TRAPPC12: variants seen among roughly 807,000 people sequenced by gnomAD.
The protein encoded by TRAPPC12 is trafficking protein particle complex subunit 12, also known as TPR repeat protein 15.
In TRAPPC12, 61 loss-of-function variants were observed where a neutral mutation model predicts 69.2. That is an observed-to-expected ratio of 0.88 (90% CI 0.72 to 1.09). The LOEUF is 1.09. Among genes scored for constraint, TRAPPC12 ranks in the 50% least tolerant of loss-of-function variants. The probability of loss-of-function intolerance (pLI) is 0.00; values close to 1 mark genes in which losing one functional copy is unlikely to be tolerated. For missense variants in TRAPPC12, 1,101 were observed against 1,016.4 expected, an observed-to-expected ratio of 1.08 and a Z score of -1.13; for synonymous variants, 469 against 438.9, an observed-to-expected ratio of 1.07 and a Z score of -0.86.
chr2:3,404,667 A>AGC (rs1437591187), intron 3 of TRAPPC12, among the ~76,000 whole-genome samples: 1 of 152,136 alleles, frequency 6.6e-6, no homozygotes, highest in Non-Finnish European at 1.5e-5. Flanking sequence ...ACAGTCAGGA[A>AGC]GCGTGTCTTG....
At chr2:3,474,084 T>C (rs1666185358) in intron 9 of TRAPPC12, among the ~76,000 whole-genome samples, 2 of 152,160 alleles carry the variant, frequency 1.3e-5, no homozygotes, top group African/African-American at 4.8e-5. Context: ...ACCAAGGTGA[T>C]GAGGAATCCC....
At chr2:3,432,851 C>T (rs1572151427) in intron 5 of TRAPPC12, among the ~76,000 whole-genome samples, 1 of 152,344 alleles carries the variant, frequency 6.6e-6, no homozygotes, top group East Asian at 1.9e-4. Flanking sequence ...AGATACAGGC[C>T]TTGGCCAGTC....
At chr2:3,428,926 C>T (rs1486116694) in intron 5 of TRAPPC12, among the ~76,000 whole-genome samples, 2 of 152,206 alleles carry the variant, frequency 1.3e-5, no homozygotes, top group East Asian at 3.8e-4. Context: ...TCAATCTCCA[C>T]CCCCTTTTCC....
intron 5 of TRAPPC12, among the ~76,000 whole-genome samples, chr2:3,438,786 A>G (rs903542865): frequency 6.6e-6 from 1 of 152,178 alleles, no homozygotes; most frequent in Non-Finnish European, 1.5e-5. Flanking sequence ...TCTCTGAATA[A>G]TATTCCATTT....
chr2:3,457,367 A>G (rs931425468), intron 6 of TRAPPC12: 7 of 497,752 alleles, frequency 1.4e-5, no homozygotes, highest in African/African-American at 7.8e-5. Context: ...GATGGCTTCA[A>G]TCGTACCCCA....
chr2:3,457,137 ATGT>A, intron 6 of TRAPPC12: 1 of 464,434 alleles, frequency 2.2e-6, no homozygotes, highest in Non-Finnish European at 4.4e-6. Flanking sequence ...GAACCAAATC[ATGT>A]TGTTTGCAGC....
At chr2:3,465,955 C>CTA in intron 9 of TRAPPC12, 1 of 547,634 alleles carries the variant, frequency 1.8e-6, no homozygotes, top group Non-Finnish European at 3.3e-6. Context: ...ATGAGTTACT[C>CTA]TAGACATTGT....
At position 3,478,204 on chromosome 2, in the gene TRAPPC12, C is replaced by T. The variant is rs147285574; in HGVS notation, c.1877+409C>T. 84 of 162,626 alleles carry T rather than the reference C, an allele frequency of 5.2e-4. No individual in the cohort carries two copies. The East Asian group carries it at 0.013, about 25-fold the overall frequency. 10.1% of individuals were successfully genotyped at this position (162,626 alleles called of 1,614,324 possible). A position where few individuals can be genotyped will look rare whatever the true frequency, so the allele number is the denominator to read the frequency against. ...CTGTGGTAGAACGCACAGCGTCGTG[C>T]GAGTGCACGTTCGTGAGGAGGAAAC... On this transcript the variant is annotated intron_variant, in intron 10 of 11. Coordinates refer to ENST00000324266, the MANE Select transcript of TRAPPC12 (RefSeq NM_016030.6).
At chr2:3,380,447 A>G (rs1660153761) in intron 1 of TRAPPC12, among the ~76,000 whole-genome samples, 1 of 152,242 alleles carries the variant, frequency 6.6e-6, no homozygotes, top group Non-Finnish European at 1.5e-5. Context: ...TATTCAACAG[A>G]AAGCGTTAGG....
intron 7 of TRAPPC12, among the ~76,000 whole-genome samples, chr2:3,459,507 A>G (rs536776864): frequency 2.6e-5 from 4 of 152,334 alleles, no homozygotes; most frequent in Non-Finnish European, 5.9e-5. Flanking sequence ...GCAGACCCCA[A>G]GAAGGCCACA....
chr2:3,409,737 A>C lies in TRAPPC12; in HGVS notation c.1164+7844A>C, dbSNP rs549723220. Among the ~76,000 whole-genome samples, 29 of 145,338 alleles carry C rather than the reference A, an allele frequency of 2.0e-4. No homozygotes were observed. The East Asian group carries it at 5.0e-3, about 25-fold the overall frequency. Reference sequence around the variant, plus strand: ...TGCACTCCAGACTGGGCAACAAAGCAAGACTTTGTCTTTAAAAAAAAAAAA... The same window carrying C: ...TGCACTCCAGACTGGGCAACAAAGCCAGACTTTGTCTTTAAAAAAAAAAAA... On this transcript the variant is annotated intron_variant, in intron 3 of 11. Transcript: ENST00000324266.
At chr2:3,453,505 C>T (rs538694239) in intron 6 of TRAPPC12, among the ~76,000 whole-genome samples, 4 of 152,350 alleles carry the variant, frequency 2.6e-5, no homozygotes, top group African/African-American at 9.6e-5. Flanking sequence ...TGTCCTCTTC[C>T]TCCTATGCCC....
chr2:3,469,331 G>A (rs956920076), intron 9 of TRAPPC12, among the ~76,000 whole-genome samples: 1 of 152,214 alleles, frequency 6.6e-6, no homozygotes, highest in African/African-American at 2.4e-5. Flanking sequence ...GTGCTGTGCT[G>A]TCAGAGGGGT....
At position 3,477,830 on chromosome 2, in the gene TRAPPC12, A is replaced by C. The variant is rs1011185279; in HGVS notation, c.1877+35A>C. 4.7e-6 allele frequency: 7 copies of C among 1,486,028 alleles called. No homozygotes were observed. The African/African-American group carries it at 8.5e-5, about 18-fold the overall frequency. The allele number at this position is 1,486,028 out of a possible 1,614,324, so 92.1% of individuals were successfully genotyped here. On this transcript the variant is annotated intron_variant, in intron 10 of 11. Transcript: ENST00000324266. ...TTAAAACTAAATATATGTTTTCTCA[A>C]ATTTCCCAGAGGCGTTCAAGCCCCA...
chr2:3,394,047 C>T (rs1660979401), intron 2 of TRAPPC12, among the ~76,000 whole-genome samples: 1 of 152,168 alleles, frequency 6.6e-6, no homozygotes, highest in Admixed American at 6.5e-5. Flanking sequence ...GGTGGTAGAA[C>T]ACTTTGGAGA....
chr2:3,469,872 C>G (rs1009557699), intron 9 of TRAPPC12, among the ~76,000 whole-genome samples: 1 of 152,222 alleles, frequency 6.6e-6, no homozygotes, highest in Non-Finnish European at 1.5e-5. Flanking sequence ...ATTGTAACAT[C>G]TGAAGTCATG....
chr2:3,421,835 A>G, intron 3 of TRAPPC12, 46 bp from the exon 4 acceptor site: 3 of 1,552,802 alleles, frequency 1.9e-6, no homozygotes, highest in African/African-American at 1.4e-5. Context: ...GGATTCCACC[A>G]TGCCTTGCAT....
Position 3,465,899 on chromosome 2 carries a change from T to C in TRAPPC12, c.1776+204T>C, listed in dbSNP as rs1045934987. ...GAGGCCCTGCTGGCTTTTGTGCCTG[T>C]TGCTAAATGTGAACCCACAGAAAGT... On this transcript the variant is annotated intron_variant, in intron 9 of 11. Transcript: ENST00000324266. The C allele has an allele frequency of 8.5e-6, 5 of 585,074 alleles. No homozygotes were observed. The Admixed American group carries it at 1.5e-4, about 17-fold the overall frequency. The allele number at this position is 585,074 out of a possible 1,614,324, so 36.2% of individuals were successfully genotyped here.
chr2:3,471,082 G>A (rs889742331), intron 9 of TRAPPC12, among the ~76,000 whole-genome samples: 17 of 152,342 alleles, frequency 1.1e-4, no homozygotes, highest in African/African-American at 4.1e-4. Flanking sequence ...GGTCACACGA[G>A]AAGATACACT....
Sources: allele counts gnomAD v4.1 joint callset (sites outside exome capture counted in the v4.1 genomes callset), GRCh38; gene constraint gnomAD v4.1.1; transcripts MANE v1.5; gene names NCBI Gene and HGNC (gene_info 2026-07-23, HGNC 2026-07-21).